The following FBXO45 variants were observed in gnomAD, a reference collection of about 807,000 sequenced individuals.
The protein encoded by FBXO45 is F-box protein 45, also known as F-box/SPRY domain-containing protein 1.
FBXO45 carries 3 observed loss-of-function variants against 25.5 expected under a neutral mutation model. That is an observed-to-expected ratio of 0.12 (90% CI 0.05 to 0.30). FBXO45 has a LOEUF of 0.30. FBXO45 is among the 10% of genes least tolerant of loss of function. The pLI, the probability that FBXO45 is intolerant of heterozygous loss-of-function variation, is 1.00. For synonymous variants in FBXO45, 155 were observed against 149.8 expected (o/e 1.03, Z -0.25); for missense variants, 219 against 365.0 (o/e 0.60, Z 3.26).
intron 2 of FBXO45, among the ~76,000 whole-genome samples, chr3:196,580,961 A>AT (rs1319532767): frequency 3.3e-5 from 5 of 151,352 alleles, no homozygotes; most frequent in Admixed American, 2.6e-4. Flanking sequence ...TAATATTTGT[A>AT]TTTTTTGTAG....
In FBXO45 at chr3:196,584,476, G is replaced by C. The variant is rs567298679; in HGVS notation, c.*158G>C. ...CAGCTCTACAGCAGAGATTATCTTC[G>C]TGTTTCCTCTTTCTACTGGGCCAGA... On this transcript the variant is annotated 3_prime_UTR_variant, in exon 3 of 3. Transcript: ENST00000311630. The surrounding 1 kb of genome is among the most constrained non-coding windows in gnomAD (Gnocchi z 4.3). 3 of 646,414 alleles carry C rather than the reference G, an allele frequency of 4.6e-6. No individual in the cohort carries two copies. The highest frequency in any genetic ancestry group is 7.4e-6 in the Non-Finnish European group (3 of 405,936). The allele number at this position is 646,414 out of a possible 1,614,324, so 40.0% of individuals were successfully genotyped here.
intron 1 of FBXO45, among the ~76,000 whole-genome samples, chr3:196,574,428 G>T (rs1041441555): frequency 1.3e-5 from 2 of 152,036 alleles, no homozygotes; most frequent in Non-Finnish European, 2.9e-5. Context: ...ATATAATCAA[G>T]ATCTATATAA....
Position 196,569,091 on chromosome 3 carries a change from G to T in FBXO45, c.107G>T (p.Gly36Val). 6.8e-7 allele frequency: 1 copy of T among 1,470,282 alleles called. No homozygotes were observed. The highest frequency in any genetic ancestry group is 1.3e-5 in the South Asian group (1 of 76,012). 91.1% of individuals were successfully genotyped at this position (1,470,282 alleles called of 1,614,324 possible). ...AGSGSGAAGA[G>V]GRLPSRVLEL... ...TCGGGCTCTGGGGCCGCGGGGGCCG[G>T]GGGCCGGCTGCCCAGCCGGGTGCTG... The change falls in exon 1 of 3, where the codon GGG becomes GTG. Residue 36 changes from glycine (G) to valine (V), a missense_variant. By Grantham distance (109) the Gly-to-Val change is moderately radical. Around this residue, in one of 4 missense-constraint regions of FBXO45, gnomAD observed 138 missense variants for 157.3 expected, o/e 0.88. Transcript: ENST00000311630. This position sits in a 1 kb window ranked among gnomAD's most constrained non-coding sequence, Gnocchi z 4.1.
At chr3:196,580,835 TGCAGTGGC>T (rs1735997779) in intron 2 of FBXO45, among the ~76,000 whole-genome samples, 1 of 147,092 alleles carries the variant, frequency 6.8e-6, no homozygotes, top group African/African-American at 2.4e-5. Flanking sequence ...GGTGCAGTGG[TGCAGTGGC>T]GTGATGATCT....
chr3:196,580,961 A>G (rs1273145365), intron 2 of FBXO45, among the ~76,000 whole-genome samples: 1 of 151,236 alleles, frequency 6.6e-6, no homozygotes, highest in Admixed American at 6.6e-5. Context: ...TAATATTTGT[A>G]TTTTTTGTAG....
rs543452914 is a variant in FBXO45, at chr3:196,576,408, C to T, written c.319-1045C>T. Among the ~76,000 whole-genome samples, 14 of 152,176 alleles carry T rather than the reference C, an allele frequency of 9.2e-5. No homozygotes were observed. The East Asian group carries it at 1.7e-3, about 19-fold the overall frequency. On this transcript the variant is annotated intron_variant, in intron 1 of 2. Transcript: ENST00000311630. ...TTTAAAAACATACTAGCCAGGCAGG[C>T]GTAGTGACTCGAACCTGTAACCCCA...
rs755806974 is a variant in FBXO45 at position 196,569,272 on chromosome 3, C to T, written c.288C>T (p.Ile96=). ...SLAEEALRTD[I]LCNLPSYKAK... is the part of the protein sequence containing the mutation. Reference sequence around the variant, plus strand: ...CAGAAGAGGCTCTGCGCACGGACATCCTGTGCAACCTGCCCAGCTACAAGG... The same window carrying T: ...CAGAAGAGGCTCTGCGCACGGACATTCTGTGCAACCTGCCCAGCTACAAGG... The change falls in exon 1 of 3, where the codon ATC becomes ATT. Residue 96 remains isoleucine, a synonymous_variant. Coordinates refer to ENST00000311630, the MANE Select transcript of FBXO45 (RefSeq NM_001105573.2). The surrounding 1 kb of genome is among the most constrained non-coding windows in gnomAD (Gnocchi z 4.1). 2.5e-6 allele frequency: 4 copies of T among 1,576,144 alleles called. No individual in the cohort carries two copies. The highest frequency in any genetic ancestry group is 1.8e-5 in the Admixed American group (1 of 54,946).
In FBXO45 at chr3:196,587,989, T is replaced by C. The variant is rs1736167099; in HGVS notation, c.*3671T>C. 2 of 152,060 alleles carry C rather than the reference T, an allele frequency of 1.3e-5. 1 individual carries two copies. Among genetic ancestry groups the C allele is most frequent in the South Asian group, 4.1e-4 (2 of 4,822 alleles). 9.4% of individuals were successfully genotyped at this position (152,060 alleles called of 1,614,324 possible). On this transcript the variant is annotated 3_prime_UTR_variant, in exon 3 of 3. Transcript: ENST00000311630. ...CTCTGTTGCCCAGGCTGGAGTGCGG[T>C]GGTGTGATCTCAGTTCACTGCAACC...
chr3:196,575,371 T>C (rs992540680), intron 1 of FBXO45, among the ~76,000 whole-genome samples: 2 of 149,716 alleles, frequency 1.3e-5, no homozygotes, highest in African/African-American at 4.9e-5. Flanking sequence ...GACAGGAGAA[T>C]CGCTTGAACC....
At chr3:196,583,324 G>A (rs904108926) in intron 2 of FBXO45, among the ~76,000 whole-genome samples, 2 of 152,048 alleles carry the variant, frequency 1.3e-5, no homozygotes, top group African/African-American at 4.8e-5. Flanking sequence ...TGGCTAACAC[G>A]GTGAAACCCG....
Position 196,569,044 on chromosome 3 carries a change from CGGCGCGGGCGCG to C in FBXO45, c.70_81del (p.Ala24_Gly27del), listed in dbSNP as rs781023121. On this transcript the variant is annotated inframe_deletion, in exon 1 of 3. Coordinates refer to ENST00000311630, the MANE Select transcript of FBXO45 (RefSeq NM_001105573.2). The surrounding 1 kb of genome is among the most constrained non-coding windows in gnomAD (Gnocchi z 4.1). Reference sequence around the variant, plus strand: ...CGGGCGGCGCTGGCTGTAGCGGCGGCGGCGCGGGCGCGGGCGCGGGCTCGGGCTCTGGGGCCG... The same window carrying C: ...CGGGCGGCGCTGGCTGTAGCGGCGGCGGCGCGGGCTCGGGCTCTGGGGCCG... 4.0e-5 allele frequency: 44 copies of C among 1,089,564 alleles called. 1 individual carries two copies. In the Admixed American group the frequency reaches 1.3e-3, roughly 32 times the overall value. The allele number at this position is 1,089,564 out of a possible 1,614,324, so 67.5% of individuals were successfully genotyped here.
At chr3:196,574,057 C>T (rs1735873572) in intron 1 of FBXO45, among the ~76,000 whole-genome samples, 1 of 151,262 alleles carries the variant, frequency 6.6e-6, no homozygotes, top group Admixed American at 6.6e-5. Flanking sequence ...GCCTCAGCCT[C>T]CCAAGTAGCT....
intron 1 of FBXO45, among the ~76,000 whole-genome samples, chr3:196,573,938 CTTTT>C (rs34587292): frequency 1.6e-5 from 2 of 125,762 alleles, no homozygotes; most frequent in African/African-American, 3.1e-5. Flanking sequence ...CTTTATTTTC[CTTTT>C]TTTTTTTTTT....
chr3:196,572,727 A>G (rs1735849076), intron 1 of FBXO45, among the ~76,000 whole-genome samples: 1 of 152,200 alleles, frequency 6.6e-6, no homozygotes, highest in African/African-American at 2.4e-5. Context: ...AGTATGGAGA[A>G]CTAAATTGTT....
chr3:196,579,953 A>G (rs994997475), intron 2 of FBXO45, among the ~76,000 whole-genome samples: 3 of 151,422 alleles, frequency 2.0e-5, no homozygotes, highest in African/African-American at 4.8e-5. Flanking sequence ...TACACAGCAC[A>G]TAGTTGGATC....
intron 2 of FBXO45, among the ~76,000 whole-genome samples, chr3:196,583,600 T>C (rs755950221): frequency 2.9e-4 from 44 of 152,144 alleles, no homozygotes; most frequent in Non-Finnish European, 4.7e-4. Flanking sequence ...TGCCAAGTTA[T>C]AGATTTTAGT....
chr3:196,570,760 G>A (rs1045883007), intron 1 of FBXO45, among the ~76,000 whole-genome samples: 1 of 139,632 alleles, frequency 7.2e-6, no homozygotes, highest in Non-Finnish European at 1.5e-5. Context: ...CACCCAGGCT[G>A]GAGTGCAGTG....
At chr3:196,577,333 G>C (rs1000880689) in intron 1 of FBXO45, 120 bp from the exon 2 acceptor site, 19 of 716,096 alleles carry the variant, frequency 2.7e-5, no homozygotes, top group Non-Finnish European at 4.2e-5. Context: ...GGAAATACTT[G>C]TGTTATTTTA....
In FBXO45 at chr3:196,586,667, G is replaced by A. The variant is rs960616159; in HGVS notation, c.*2349G>A. The A allele has an allele frequency of 5.3e-5, 8 of 152,202 alleles. No individual in the cohort carries two copies. Among genetic ancestry groups the A allele is most frequent in the Non-Finnish European group, 1.0e-4 (7 of 68,042 alleles). 9.4% of individuals were successfully genotyped at this position (152,202 alleles called of 1,614,324 possible). A position where few individuals can be genotyped will look rare whatever the true frequency, so the allele number is the denominator to read the frequency against. On this transcript the variant is annotated 3_prime_UTR_variant, in exon 3 of 3. Coordinates refer to ENST00000311630, the MANE Select transcript of FBXO45 (RefSeq NM_001105573.2). ...GAAGACAGTTGCGCCTGAAGATTGA[G>A]TGTAAATCATTCAAACCAGTGGTTC...
Sources: gnomAD v4.1 joint callset for allele counts (sites outside exome capture counted in the v4.1 genomes callset) on GRCh38, gnomAD v4.1.1 for gene constraint, gnomAD v4.1.1 regional missense constraint, Gnocchi (gnomAD v3.1) non-coding constraint, MANE v1.5 for transcripts, NCBI Gene and HGNC (gene_info 2026-07-23, HGNC 2026-07-21) for gene names.